The following CAB39 variants were observed in gnomAD, a reference collection of about 807,000 sequenced individuals.
CAB39 encodes calcium-binding protein 39.
CAB39 carries 8 observed loss-of-function variants against 40.0 expected under a neutral mutation model. The ratio of observed to expected loss-of-function variants is 0.20; its 90% CI spans 0.12 to 0.36. The LOEUF (loss-of-function observed/expected upper bound fraction) is 0.36, where lower values mean the gene tolerates loss of function less well. Ranked by LOEUF, CAB39 falls within the 10% of genes least tolerant of loss-of-function variation. The pLI, the probability that CAB39 is intolerant of heterozygous loss-of-function variation, is 1.00. For synonymous variants in CAB39, 156 were observed against 141.6 expected (o/e 1.10, Z -0.72); for missense variants, 270 against 401.1 (o/e 0.67, Z 2.79).
At chr2:230,725,697 G>A in intron 1 of CAB39, among the ~76,000 whole-genome samples, 1 of 152,166 alleles carries the variant, frequency 6.6e-6, no homozygotes, top group East Asian at 1.9e-4. Context: ...CTGGAACATA[G>A]GACATTTCTG....
At chr2:230,726,841 G>GT (rs1054900438) in intron 1 of CAB39, among the ~76,000 whole-genome samples, 11 of 145,804 alleles carry the variant, frequency 7.5e-5, no homozygotes, top group Middle Eastern at 3.8e-3. Flanking sequence ...GGCGGGGAAT[G>GT]TTTTTTCTTT....
In CAB39 at chr2:230,756,668, T is replaced by G. The variant is rs558253064; in HGVS notation, c.-43-3291T>G. 3.0e-5 allele frequency among the ~76,000 whole-genome samples: 3 copies of G among 99,390 alleles called. No homozygotes were observed. The East Asian group carries it at 6.9e-4, about 23-fold the overall frequency. The allele number at this position is 99,390 out of a possible 152,430, so 65.2% of individuals were successfully genotyped here. A position where few individuals can be genotyped will look rare whatever the true frequency, so the allele number is the denominator to read the frequency against. On this transcript the variant is annotated intron_variant, in intron 1 of 8. Transcript: ENST00000258418. ...GATAGTTTCTAACTGTTTGTTTATT[T>G]ATTTATTTATTTATTTATTTATTTA...
chr2:230,800,604 T>C (rs1268236850), intron 5 of CAB39, among the ~76,000 whole-genome samples: 1 of 152,114 alleles, frequency 6.6e-6, no homozygotes, highest in Non-Finnish European at 1.5e-5. Flanking sequence ...AGCAGCACCA[T>C]GTGTCAAAGA....
intron 1 of CAB39, among the ~76,000 whole-genome samples, chr2:230,727,397 TG>T (rs1694602779): frequency 4.8e-5 from 7 of 147,016 alleles, no homozygotes; most frequent in Middle Eastern, 3.5e-3. Flanking sequence ...TGTGTGTGTG[TG>T]TATTTTTTTT....
rs751709052 is a variant in CAB39 at position 230,760,077 on chromosome 2, C to G, written c.76C>G (p.Leu26Val). ...GAATCTGAAGGAGAGCATGGCTGTT[C>G]TGGAAAAGCAAGACATTTCTGATAA... ...VKNLKESMAV[L>V]EKQDISDKKA... The change falls in exon 2 of 9, where the codon CTG becomes GTG. Residue 26 changes from leucine to valine, a missense_variant. Transcript: ENST00000258418. The G allele has an allele frequency of 8.7e-6, 14 of 1,612,934 alleles. No individual in the cohort carries two copies. The highest frequency in any genetic ancestry group is 1.2e-5 in the Non-Finnish European group (14 of 1,179,158).
intron 1 of CAB39, among the ~76,000 whole-genome samples, chr2:230,734,483 G>A (rs754213371): frequency 6.6e-6 from 1 of 152,168 alleles, no homozygotes; most frequent in East Asian, 1.9e-4. Context: ...ACCCACTGGA[G>A]CTATGTGAGT....
chr2:230,765,712 T>C (rs1695373852), intron 2 of CAB39, among the ~76,000 whole-genome samples: 1 of 152,054 alleles, frequency 6.6e-6, no homozygotes, highest in Non-Finnish European at 1.5e-5. Flanking sequence ...CAGGAGACAT[T>C]ACAGGTTGTA....
In CAB39 at chr2:230,790,948, C is replaced by T; in HGVS notation, c.191C>T (p.Thr64Ile). 6.2e-7 allele frequency: 1 copy of T among 1,613,148 alleles called. No individual in the cohort carries two copies. The highest frequency in any genetic ancestry group is 8.5e-7 in the Non-Finnish European group (1 of 1,179,142). Residue 64 changes from threonine (T) to isoleucine (I), a missense_variant, in exon 3 of 9, where the codon ACA becomes ATA. Coordinates refer to ENST00000258418, the MANE Select transcript of CAB39 (RefSeq NM_016289.4). ...LYGTNEKEPQ[T>I]EAVAQLAQEL... ...GGCACAAATGAAAAAGAGCCTCAGACAGAAGCAGTAGCTCAACTTGCTCAA... is the reference window on the plus strand; with the variant it reads ...GGCACAAATGAAAAAGAGCCTCAGATAGAAGCAGTAGCTCAACTTGCTCAA...
At chr2:230,807,174 C>T (rs1351711496) in intron 5 of CAB39, among the ~76,000 whole-genome samples, 1 of 152,118 alleles carries the variant, frequency 6.6e-6, no homozygotes, top group Non-Finnish European at 1.5e-5. Flanking sequence ...TCTGCATGCC[C>T]TTTGCCCATT....
intron 2 of CAB39, among the ~76,000 whole-genome samples, chr2:230,784,307 C>G (rs1359590554): frequency 6.6e-6 from 1 of 152,090 alleles, no homozygotes; most frequent in Non-Finnish European, 1.5e-5. Context: ...TAGATGTATT[C>G]GATTTGAGGT....
chr2:230,766,807 A>G (rs935110669), intron 2 of CAB39, among the ~76,000 whole-genome samples: 1 of 152,220 alleles, frequency 6.6e-6, no homozygotes, highest in African/African-American at 2.4e-5. Context: ...GATTGCAGGT[A>G]TGAGCTGCCA....
chr2:230,750,627 T>G (rs1695069387), intron 1 of CAB39, among the ~76,000 whole-genome samples: 1 of 152,212 alleles, frequency 6.6e-6, no homozygotes, highest in African/African-American at 2.4e-5. Flanking sequence ...TTTTAAAAAT[T>G]TTTAGTTATC....
intron 1 of CAB39, chr2:230,725,295 T>G (rs967282705): frequency 1.3e-6 from 2 of 1,574,430 alleles, no homozygotes; most frequent in African/African-American, 2.7e-5. Flanking sequence ...TCAAAGCCCC[T>G]TTCCTCCAGC....
intron 1 of CAB39, among the ~76,000 whole-genome samples, chr2:230,719,649 G>C (rs1694410987): frequency 6.6e-6 from 1 of 152,176 alleles, no homozygotes; most frequent in South Asian, 2.1e-4. Context: ...AGAAGCCTGG[G>C]AATCGAAAGA....
At chr2:230,754,312 C>T (rs866624786) in intron 1 of CAB39, among the ~76,000 whole-genome samples, 12 of 139,734 alleles carry the variant, frequency 8.6e-5, no homozygotes, top group African/African-American at 2.8e-4. Context: ...TTCTTTCTTC[C>T]TTCTTCCTTC....
Position 230,818,773 on chromosome 2 carries a change from T to C in CAB39, c.*69T>C, listed in dbSNP as rs1406164810. 2.2e-6 allele frequency: 2 copies of C among 911,970 alleles called. No individual in the cohort carries two copies. The highest frequency in any genetic ancestry group is 3.2e-6 in the Non-Finnish European group (2 of 617,164). 56.5% of individuals were successfully genotyped at this position (911,970 alleles called of 1,614,324 possible). On this transcript the variant is annotated 3_prime_UTR_variant, in exon 9 of 9. Transcript: ENST00000258418. The stretch of plus-strand genomic sequence containing the variant: ...GTTAGCTATTCAGCATCAGGCACTC[T>C]TATTGATTCATGAGGAACATTACTG...
chr2:230,801,464 C>T (rs2124969647), intron 5 of CAB39, among the ~76,000 whole-genome samples: 1 of 152,306 alleles, frequency 6.6e-6, no homozygotes, highest in South Asian at 2.1e-4. Context: ...TCATGCTTTC[C>T]TTTGAGAATG....
chr2:230,790,780 T>C, intron 2 of CAB39, 92 bp from the exon 3 acceptor site: 1 of 1,057,228 alleles, frequency 9.5e-7, no homozygotes, highest in Non-Finnish European at 1.4e-6. Flanking sequence ...GTCTGTAATA[T>C]AGAGAGGTGA....
At chr2:230,768,591 A>G (rs1695429856) in intron 2 of CAB39, among the ~76,000 whole-genome samples, 1 of 152,248 alleles carries the variant, frequency 6.6e-6, no homozygotes, top group African/African-American at 2.4e-5. Flanking sequence ...GGGTTTAATT[A>G]GCCAAGTTTG....
Sources: gnomAD v4.1 joint callset for allele counts (sites outside exome capture counted in the v4.1 genomes callset) on GRCh38, gnomAD v4.1.1 for gene constraint, MANE v1.5 for transcripts, NCBI Gene and HGNC (gene_info 2026-07-23, HGNC 2026-07-21) for gene names.